The following DRD4 variants were observed in gnomAD, a reference collection of about 807,000 sequenced individuals.
The protein encoded by DRD4 is D(4) dopamine receptor.
In DRD4, 26 loss-of-function variants were observed where a neutral mutation model predicts 22.1. The observed-to-expected ratio is 1.17, with a 90% CI of 0.86 to 1.63. The LOEUF is 1.63. Ranked by LOEUF, DRD4 falls within the 40% of genes most tolerant of loss-of-function variation. DRD4 has a pLI of 0.00. For missense variants in DRD4, 913 were observed against 632.4 expected, an observed-to-expected ratio of 1.44 and a Z score of -4.76; for synonymous variants, 455 against 306.7, an observed-to-expected ratio of 1.48 and a Z score of -5.05.
In DRD4 at chr11:640,016, ACCCCTGCGG is replaced by A. The variant is rs1379070712; in HGVS notation, c.772_780del (p.Cys258_Pro260del). On this transcript the variant is annotated inframe_deletion, in exon 3 of 4. Transcript: ENST00000176183. The stretch of plus-strand genomic sequence containing the variant: ...CCACCCGCGCCCCGCCTCCCCCAGG[ACCCCTGCGG>A]CCCCGACTGTGCGCCCCCCGCGCCC... The A allele has an allele frequency of 8.5e-6, 10 of 1,180,472 alleles. No individual in the cohort carries two copies. Among genetic ancestry groups the A allele is most frequent in the Non-Finnish European group, 1.0e-5 (10 of 961,224 alleles). The allele number at this position is 1,180,472 out of a possible 1,614,324, so 73.1% of individuals were successfully genotyped here.
chr11:639,273 C>A (rs7124601), intron 1 of DRD4, 160 bp from the exon 2 acceptor site: 299,939 of 663,228 alleles, frequency 0.45, 69,681 homozygotes, highest in African/African-American at 0.53. Context: ...GGGAGATCTG[C>A]GTGGGGAAGG....
Position 639,443 on chromosome 11 carries a change from G to T in DRD4, c.296G>T (p.Gly99Val), listed in dbSNP as rs1425133443. ...GGTGTCGCCGCGCAGGTCCAGGGTG[G>T]CGCGTGGCTGCTGAGCCCCCGCCTG... ...PLFVYSEVQG[G>V]AWLLSPRLCD... is the part of the protein sequence containing the mutation. Residue 99 changes from glycine (G) to valine (V), a missense_variant, in exon 2 of 4, where the codon GGC becomes GTC. Coordinates refer to ENST00000176183, the MANE Select transcript of DRD4 (RefSeq NM_000797.4). 2 of 1,593,412 alleles carry T rather than the reference G, an allele frequency of 1.3e-6. No homozygotes were observed. The highest frequency in any genetic ancestry group is 1.7e-6 in the Non-Finnish European group (2 of 1,176,598).
rs550297877 is a variant in DRD4 at position 639,317 on chromosome 11, T to C, written c.286-116T>C. The C allele has an allele frequency of 7.1e-5, 70 of 985,174 alleles. No individual in the cohort carries two copies. In the South Asian group the frequency reaches 7.8e-4, roughly 11 times the overall value. 61.0% of individuals were successfully genotyped at this position (985,174 alleles called of 1,614,324 possible). ...CCTGCCCGGTCCTCTGGCCTCTGGC[T>C]CACAGCCGGGCCCCCTTCTCCGTAT... On this transcript the variant is annotated intron_variant, in intron 1 of 3. Coordinates refer to ENST00000176183, the MANE Select transcript of DRD4 (RefSeq NM_000797.4).
At position 639,186 on chromosome 11, in the gene DRD4, T is replaced by TC. The variant is rs894632552; in HGVS notation, c.286-245dup. 2.2e-4 allele frequency: 116 copies of TC among 517,632 alleles called. 1 individual carries two copies. In the Admixed American group the frequency reaches 2.6e-3, roughly 12 times the overall value. 32.1% of individuals were successfully genotyped at this position (517,632 alleles called of 1,614,324 possible). A position where few individuals can be genotyped will look rare whatever the true frequency, so the allele number is the denominator to read the frequency against. On this transcript the variant is annotated intron_variant, in intron 1 of 3. Coordinates refer to ENST00000176183, the MANE Select transcript of DRD4 (RefSeq NM_000797.4). ...GGGAGGATCGCTTGAGCTCAGGAAT[T>TC]CCAGGCTACAGTGAGCCATGATGGA...
At position 639,300 on chromosome 11, in the gene DRD4, G is replaced by A. The variant is rs564618447; in HGVS notation, c.286-133G>A. The stretch of plus-strand genomic sequence containing the variant: ...TGGGGAAGGGGTGTTTCCCTGCCCG[G>A]TCCTCTGGCCTCTGGCTCACAGCCG... On this transcript the variant is annotated intron_variant, in intron 1 of 3. Coordinates refer to ENST00000176183, the MANE Select transcript of DRD4 (RefSeq NM_000797.4). 1.2e-3 allele frequency: 974 copies of A among 815,176 alleles called. 5 individuals carry two copies. Among genetic ancestry groups the A allele is most frequent in the African/African-American group, 0.012 (674 of 58,246 alleles). The allele number at this position is 815,176 out of a possible 1,614,324, so 50.5% of individuals were successfully genotyped here.
chr11:640,232 A>C lies in DRD4; in HGVS notation c.983A>C (p.Gln328Pro). 6.5e-7 allele frequency: 1 copy of C among 1,532,540 alleles called. No individual in the cohort carries two copies. The highest frequency in any genetic ancestry group is 8.7e-7 in the Non-Finnish European group (1 of 1,146,410). The allele number at this position is 1,532,540 out of a possible 1,614,324, so 94.9% of individuals were successfully genotyped here. The stretch of plus-strand genomic sequence containing the variant: ...GCGCTCCCACCCCAGACTCCACCGC[A>C]GACCCGCAGGAGGCGGCGTGCCAAG... The part of the protein sequence containing the change: ...AAALPPQTPP[Q>P]TRRRRRAKIT... The change falls in exon 3 of 4, where the codon CAG becomes CCG. Residue 328 changes from glutamine (Q) to proline (P), a missense_variant. By Grantham distance (76) the Gln-to-Pro change is moderately conservative. Transcript: ENST00000176183.
In DRD4 at chr11:639,734, T is replaced by G. The variant is rs1370276664; in HGVS notation, c.485T>G (p.Leu162Arg). ...CTGCTCATCGGCGCCACGTGGCTGCTGTCCGCGGCGGTGGCGGCGCCCGTA... is the reference window on the plus strand; with the variant it reads ...CTGCTCATCGGCGCCACGTGGCTGCGGTCCGCGGCGGTGGCGGCGCCCGTA... The part of the protein sequence containing the change: ...QLLLIGATWL[L>R]SAAVAAPVLC... Residue 162 changes from leucine (L) to arginine (R), a missense_variant, in exon 3 of 4, where the codon CTG (leucine) becomes CGG (arginine). Physicochemically the swap from Leu to Arg is moderately radical, Grantham distance 102. Coordinates refer to ENST00000176183, the MANE Select transcript of DRD4 (RefSeq NM_000797.4). 2 of 1,525,082 alleles carry G rather than the reference T, an allele frequency of 1.3e-6. No individual in the cohort carries two copies. Among genetic ancestry groups the G allele is most frequent in the Non-Finnish European group, 1.7e-6 (2 of 1,145,158 alleles). 94.5% of individuals were successfully genotyped at this position (1,525,082 alleles called of 1,614,324 possible).
Position 639,429 on chromosome 11 carries a change from G to A in DRD4, c.286-4G>A, listed in dbSNP as rs766091521. 4.4e-6 allele frequency: 7 copies of A among 1,586,854 alleles called. No individual in the cohort carries two copies. The highest frequency in any genetic ancestry group is 6.0e-6 in the Non-Finnish European group (7 of 1,174,050). On this transcript the variant is annotated splice_polypyrimidine_tract_variant and splice_region_variant and intron_variant, in intron 1 of 3. Coordinates refer to ENST00000176183, the MANE Select transcript of DRD4 (RefSeq NM_000797.4). ...ACCTCAGGGCCTGTGGTGTCGCCGCGCAGGTCCAGGGTGGCGCGTGGCTGC... is the reference window on the plus strand; with the variant it reads ...ACCTCAGGGCCTGTGGTGTCGCCGCACAGGTCCAGGGTGGCGCGTGGCTGC...
chr11:639,589 G>T (rs1386750358), intron 2 of DRD4, 44 bp downstream of exon 2: 1 of 1,281,700 alleles, frequency 7.8e-7, no homozygotes, highest in East Asian at 3.5e-5. Flanking sequence ...CCCGCGCCCC[G>T]CCCGCCGCCC....
chr11:638,981 G>C (rs1564912693), intron 1 of DRD4: 1 of 171,880 alleles, frequency 5.8e-6, no homozygotes, highest in Non-Finnish European at 1.3e-5. Context: ...ATTCGGGGGA[G>C]CTGAGGCGGC....
intron 2 of DRD4, 34 bp downstream of exon 2, chr11:639,579 CCCGCGCCCCGCCCGCCGCCCTCA>C (rs1564913166): frequency 7.5e-7 from 1 of 1,339,748 alleles, no homozygotes; most frequent in Non-Finnish European, 9.5e-7. Flanking sequence ...CCCCGGCGCC[CCCGCGCCCCGCCCGCCGCCCTCA>C]CCGCGGCCTG....
At chr11:638,806 G>A (rs1414774082) in intron 1 of DRD4, among the ~76,000 whole-genome samples, 1 of 152,198 alleles carries the variant, frequency 6.6e-6, no homozygotes, top group Non-Finnish European at 1.5e-5. Context: ...TAACAAAAGG[G>A]AGACCAAGGC....
Position 640,561 on chromosome 11 carries a change from GTTCCGCAACGTC to G in DRD4, c.1227_1238del (p.Asn409_Arg412del), listed in dbSNP as rs1275512421. 1.9e-6 allele frequency: 3 copies of G among 1,599,978 alleles called. No homozygotes were observed. The South Asian group carries it at 3.3e-5, about 18-fold the overall frequency. ...TCATCTACACTGTCTTCAACGCCGAGTTCCGCAACGTCTTCCGCAAGGCCCTGCGTGCCTGCT... is the reference window on the plus strand; with the variant it reads ...TCATCTACACTGTCTTCAACGCCGAGTTCCGCAAGGCCCTGCGTGCCTGCT... On this transcript the variant is annotated inframe_deletion, in exon 4 of 4. Coordinates refer to ENST00000176183, the MANE Select transcript of DRD4 (RefSeq NM_000797.4).
In DRD4 at chr11:637,389, G is replaced by GGGCTGGCTGGGCAGGGCGC; in HGVS notation, c.89_107dup (p.Ala37GlyfsTer419). 2.8e-6 allele frequency: 4 copies of GGGCTGGCTGGGCAGGGCGC among 1,438,980 alleles called. No individual in the cohort carries two copies. The highest frequency in any genetic ancestry group is 3.6e-6 in the Non-Finnish European group (4 of 1,102,292). The allele number at this position is 1,438,980 out of a possible 1,614,324, so 89.1% of individuals were successfully genotyped here. ...GGGGGCATCTGCGGGGGCATCTGCG[G>GGGCTGGCTGGGCAGGGCGC]GGCTGGCTGGGCAGGGCGCGGCGGC... is the stretch of plus-strand genomic sequence containing the variant. On this transcript the variant is annotated frameshift_variant, in exon 1 of 4. Coordinates refer to ENST00000176183, the MANE Select transcript of DRD4 (RefSeq NM_000797.4). LOFTEE classifies it high-confidence loss of function.
Position 637,578 on chromosome 11 carries a change from GTC to G in DRD4, c.276_277del (p.Tyr93LeufsTer356). The G allele has an allele frequency of 6.4e-7, 1 of 1,550,556 alleles. No homozygotes were observed. Among genetic ancestry groups the G allele is most frequent in the Non-Finnish European group, 8.7e-7 (1 of 1,151,718 alleles). On this transcript the variant is annotated frameshift_variant, in exon 1 of 4. Transcript: ENST00000176183. LOFTEE classifies it high-confidence loss of function. The stretch of plus-strand genomic sequence containing the variant: ...CGCTCTCCTGGTGCTGCCGCTCTTC[GTC>G]TACTCCGAGGTGAGCCGCGTCCGGC... Reference protein sequence around the residue: ...LLALLVLPLFVYSEVQGGAWL... With the variant: ...LLALLVLPLFXYSEVQGGAWL...
chr11:638,657 A>G (rs1858124258), intron 1 of DRD4, among the ~76,000 whole-genome samples: 1 of 152,122 alleles, frequency 6.6e-6, no homozygotes, highest in East Asian at 1.9e-4. Context: ...TCCCACAGAG[A>G]ACTTAGCCAA....
At position 637,756 on chromosome 11, in the gene DRD4, CACCTCGCG is replaced by C. The variant is rs575665377; in HGVS notation, c.285+172_285+179del. On this transcript the variant is annotated intron_variant, in intron 1 of 3. Transcript: ENST00000176183. ...CCCTCGGCGATACACCCACCGCCGCCACCTCGCGACCTTCCACCCGCTGCGCTGTCTGT... is the reference window on the plus strand; with the variant it reads ...CCCTCGGCGATACACCCACCGCCGCCACCTTCCACCCGCTGCGCTGTCTGT... Among the ~76,000 whole-genome samples the C allele has an allele frequency of 8.2e-3, 1,245 of 152,328 alleles. 17 individuals carry two copies. Among genetic ancestry groups the C allele is most frequent in the African/African-American group, 0.029 (1,191 of 41,568 alleles).
At chr11:640,359 C>T (rs775015409) in intron 3 of DRD4, 42 bp from the exon 4 acceptor site, 27 of 1,574,280 alleles carry the variant, frequency 1.7e-5, no homozygotes, top group African/African-American at 2.7e-5. Flanking sequence ...GGTACGAGGC[C>T]GGCTGGGCGG....
chr11:639,711 G>A lies in DRD4; in HGVS notation c.462G>A (p.Leu154=). The change falls in exon 3 of 4, where the codon CTG becomes CTA. Residue 154 remains leucine (L), a synonymous_variant. Coordinates refer to ENST00000176183, the MANE Select transcript of DRD4 (RefSeq NM_000797.4). ...NRQGGSRRQL[L]LIGATWLLSA... ...AGGGTGGGAGCCGCCGGCAGCTGCT[G>A]CTCATCGGCGCCACGTGGCTGCTGT... The A allele has an allele frequency of 2.0e-6, 3 of 1,497,088 alleles. No individual in the cohort carries two copies. Among genetic ancestry groups the A allele is most frequent in the Non-Finnish European group, 2.7e-6 (3 of 1,130,208 alleles). The allele number at this position is 1,497,088 out of a possible 1,614,324, so 92.7% of individuals were successfully genotyped here. A position where few individuals can be genotyped will look rare whatever the true frequency, so the allele number is the denominator to read the frequency against.
Sources: gnomAD v4.1 joint callset for allele counts (sites outside exome capture counted in the v4.1 genomes callset) on GRCh38, gnomAD v4.1.1 for gene constraint, MANE v1.5 for transcripts, NCBI Gene and HGNC (gene_info 2026-07-23, HGNC 2026-07-21) for gene names.